The following RAB3C variants were observed in gnomAD, a reference collection of about 807,000 sequenced individuals.
The protein encoded by RAB3C is RAB3C, member RAS oncogene family.
RAB3C carries 17 observed loss-of-function variants against 26.4 expected under a neutral mutation model. The ratio of observed to expected loss-of-function variants is 0.64; its 90% CI spans 0.44 to 0.97. The LOEUF (loss-of-function observed/expected upper bound fraction) is 0.97. Ranked by LOEUF, RAB3C falls within the 50% of genes least tolerant of loss-of-function variation. The pLI, the probability that RAB3C is intolerant of heterozygous loss-of-function variation, is 0.00. For missense variants in RAB3C, 242 were observed against 281.9 expected (o/e 0.86, Z 1.01); for synonymous variants, 91 against 95.9 (o/e 0.95, Z 0.30).
intron 2 of RAB3C, among the ~76,000 whole-genome samples, chr5:58,673,225 C>T (rs771961158): frequency 2.2e-4 from 34 of 152,130 alleles, no homozygotes; most frequent in Non-Finnish European, 4.7e-4. Context: ...TATGGGTTCC[C>T]TCTGTCCTGC....
At chr5:58,677,977 T>TGTGTGA (rs1491095443) in intron 2 of RAB3C, among the ~76,000 whole-genome samples, 1 of 558 alleles carries the variant, frequency 1.8e-3, no homozygotes. Flanking sequence ...TAGATTATTT[T>TGTGTGA]GTGTGTGTGT....
intron 3 of RAB3C, among the ~76,000 whole-genome samples, chr5:58,819,342 A>G (rs1743287686): frequency 6.6e-6 from 1 of 152,204 alleles, no homozygotes; most frequent in African/African-American, 2.4e-5. Context: ...GTTGGAAGGG[A>G]TGGGAACTGA....
At chr5:58,718,957 A>C (rs879387252) in intron 2 of RAB3C, among the ~76,000 whole-genome samples, 1 of 152,084 alleles carries the variant, frequency 6.6e-6, no homozygotes, top group Non-Finnish European at 1.5e-5. Context: ...GACAAATTCA[A>C]TACTGTTTTG....
chr5:58,855,570 C>T lies in RAB3C; in HGVS notation c.*4219C>T, dbSNP rs1744240386. 6.6e-6 allele frequency: 1 copy of T among 152,238 alleles called. No homozygotes were observed. The highest frequency in any genetic ancestry group is 2.1e-4 in the South Asian group (1 of 4,834). The allele number at this position is 152,238 out of a possible 1,614,324, so 9.4% of individuals were successfully genotyped here. On this transcript the variant is annotated 3_prime_UTR_variant, in exon 5 of 5. Coordinates refer to ENST00000282878, the MANE Select transcript of RAB3C (RefSeq NM_138453.4). ...ATGCAACCTCTACAGCTCTGCTCAG[C>T]TCTGCCTGTGTGCATTGATTACCTT... is the stretch of plus-strand genomic sequence containing the variant.
At chr5:58,814,197 C>T (rs928584805) in intron 3 of RAB3C, among the ~76,000 whole-genome samples, 1 of 152,194 alleles carries the variant, frequency 6.6e-6, no homozygotes, top group Non-Finnish European at 1.5e-5. Flanking sequence ...TTCTCTTCTT[C>T]TCTTAATACC....
intron 2 of RAB3C, among the ~76,000 whole-genome samples, chr5:58,684,970 T>A (rs1748414359): frequency 6.6e-6 from 1 of 152,212 alleles, no homozygotes; most frequent in Non-Finnish European, 1.5e-5. Context: ...TATTACTGAA[T>A]ATATTGCAAT....
At chr5:58,850,758 C>T (rs113816178) in intron 4 of RAB3C, among the ~76,000 whole-genome samples, 15 of 152,154 alleles carry the variant, frequency 9.9e-5, no homozygotes, top group African/African-American at 2.7e-4. Flanking sequence ...CTACATGGTG[C>T]GCTAGGGGTT....
intron 3 of RAB3C, among the ~76,000 whole-genome samples, chr5:58,803,657 T>C (rs1164300687): frequency 6.6e-6 from 1 of 152,156 alleles, no homozygotes; most frequent in Non-Finnish European, 1.5e-5. Flanking sequence ...TGCAGTCAGG[T>C]TGAAAAGGAC....
intron 2 of RAB3C, among the ~76,000 whole-genome samples, chr5:58,716,754 C>G (rs908048183): frequency 2.0e-5 from 3 of 150,456 alleles, no homozygotes; most frequent in African/African-American, 7.3e-5. Context: ...ATCCCCAAAC[C>G]ATGACTCGAA....
At chr5:58,618,308 TAAAC>T (rs1746867316) in intron 2 of RAB3C, among the ~76,000 whole-genome samples, 1 of 152,116 alleles carries the variant, frequency 6.6e-6, no homozygotes, top group South Asian at 2.1e-4. Flanking sequence ...AAGAAGAAGA[TAAAC>T]AACCAAATAT....
At chr5:58,653,357 A>G (rs1454253180) in intron 2 of RAB3C, among the ~76,000 whole-genome samples, 1 of 152,208 alleles carries the variant, frequency 6.6e-6, no homozygotes, top group African/African-American at 2.4e-5. Flanking sequence ...GTGGGAGTGT[A>G]AATTAGATCA....
At chr5:58,675,880 G>T (rs112331800) in intron 2 of RAB3C, among the ~76,000 whole-genome samples, 1 of 152,012 alleles carries the variant, frequency 6.6e-6, no homozygotes, top group South Asian at 2.1e-4. Context: ...TGGTCTCCTG[G>T]GTGGGTTCCT....
chr5:58,719,895 C>T (rs561704502), intron 2 of RAB3C, among the ~76,000 whole-genome samples: 10 of 151,936 alleles, frequency 6.6e-5, no homozygotes, highest in African/African-American at 2.2e-4. Context: ...ATTCATGTAA[C>T]CAAACACCAC....
intron 4 of RAB3C, among the ~76,000 whole-genome samples, chr5:58,830,378 G>T (rs1289204721): frequency 2.0e-5 from 3 of 152,154 alleles, no homozygotes; most frequent in African/African-American, 7.2e-5. Flanking sequence ...ATGGCTAATG[G>T]GGGGAGTTTG....
At chr5:58,766,181 G>A (rs931779543) in intron 3 of RAB3C, among the ~76,000 whole-genome samples, 2 of 149,548 alleles carry the variant, frequency 1.3e-5, no homozygotes, top group Admixed American at 6.7e-5. Flanking sequence ...GCAGTGGCAC[G>A]ATCTCACCTC....
intron 2 of RAB3C, among the ~76,000 whole-genome samples, chr5:58,654,919 T>C (rs1747735595): frequency 6.6e-6 from 1 of 152,184 alleles, no homozygotes; most frequent in African/African-American, 2.4e-5. Flanking sequence ...TTTCTGTAGG[T>C]GAGACAAACA....
intron 2 of RAB3C, among the ~76,000 whole-genome samples, chr5:58,689,007 T>A (rs1206300315): frequency 3.3e-5 from 5 of 152,114 alleles, no homozygotes; most frequent in Non-Finnish European, 7.4e-5. Flanking sequence ...TGCCAGGTAT[T>A]AGGCTAAGCA....
chr5:58,728,773 A>T (rs1740941647), intron 3 of RAB3C, among the ~76,000 whole-genome samples: 1 of 152,010 alleles, frequency 6.6e-6, no homozygotes, highest in African/African-American at 2.4e-5. Context: ...AAGACCATTG[A>T]TTTATAATGA....
At chr5:58,822,349 G>A (rs1743362382) in intron 3 of RAB3C, among the ~76,000 whole-genome samples, 1 of 152,166 alleles carries the variant, frequency 6.6e-6, no homozygotes. Context: ...ACTGTAAAAT[G>A]GGCATAATAA....
Sources: allele counts gnomAD v4.1 joint callset (sites outside exome capture counted in the v4.1 genomes callset), GRCh38; gene constraint gnomAD v4.1.1; transcripts MANE v1.5; gene names NCBI Gene and HGNC (gene_info 2026-07-23, HGNC 2026-07-21).